Variants in NSMAF observed in about 807,000 individuals in gnomAD.
NSMAF encodes the protein neutral sphingomyelinase activation associated factor.
NSMAF carries 90 observed loss-of-function variants against 134.9 expected under a neutral mutation model. The observed-to-expected ratio is 0.67, with a 90% CI of 0.56 to 0.79. The LOEUF (loss-of-function observed/expected upper bound fraction) is 0.79, where lower values mean the gene tolerates loss of function less well. Among genes scored for constraint, NSMAF ranks in the 30% least tolerant of loss-of-function variants. The pLI, the probability that NSMAF is intolerant of heterozygous loss-of-function variation, is 0.00. For synonymous variants in NSMAF, 358 were observed against 389.6 expected (o/e 0.92, Z 0.96); for missense variants, 1,010 against 1,119.0 (o/e 0.90, Z 1.39).
At chr8:58,633,533 C>A (rs560930241) in intron 5 of NSMAF, among the ~76,000 whole-genome samples, 1 of 152,314 alleles carries the variant, frequency 6.6e-6, no homozygotes, top group South Asian at 2.1e-4. Flanking sequence ...TTAGAGGAGA[C>A]ATTTGTTTAT....
rs1182495174 is a variant in NSMAF, at chr8:58,625,602, G to C, written c.385-1822C>G. On this transcript the variant is annotated intron_variant, in intron 6 of 30. Coordinates refer to ENST00000038176, the MANE Select transcript of NSMAF (RefSeq NM_003580.4). ...ATCTTGTCTGATATAAGTATGGCTA[G>C]CTCTGTTGTTTGATTACCAAGCATG... 4.6e-5 allele frequency among the ~76,000 whole-genome samples: 7 copies of C among 152,242 alleles called. No individual in the cohort carries two copies. The East Asian group carries it at 1.2e-3, about 25-fold the overall frequency.
chr8:58,644,663 C>A (rs1258365046), intron 1 of NSMAF, among the ~76,000 whole-genome samples: 1 of 152,120 alleles, frequency 6.6e-6, no homozygotes, highest in African/African-American at 2.4e-5. Context: ...GAAACAGGCA[C>A]ACATATGTTT....
chr8:58,609,674 A>G lies in NSMAF; in HGVS notation c.617T>C (p.Leu206Pro). 1 of 1,614,188 alleles carries G rather than the reference A, an allele frequency of 6.2e-7. No individual in the cohort carries two copies. Among genetic ancestry groups the G allele is most frequent in the African/African-American group, 1.3e-5 (1 of 75,070 alleles). ...MECKAEMVTP[L>P]VTNPGHVCIT... ...GCACACGTGTCCAGGATTAGTCACC[A>G]GAGGCGTCACCATTTCTGCTTTGCA... is the stretch of plus-strand genomic sequence containing the variant. Residue 206 changes from leucine to proline, a missense_variant, in exon 10 of 31, where the codon CTG becomes CCG. Physicochemically the swap from Leu to Pro is moderately conservative, Grantham distance 98. Transcript: ENST00000038176.
chr8:58,611,026 CTTG>C (rs1480277618), intron 9 of NSMAF, among the ~76,000 whole-genome samples: 1 of 152,162 alleles, frequency 6.6e-6, no homozygotes, highest in Non-Finnish European at 1.5e-5. Context: ...TAAGAGGTGG[CTTG>C]ACCACTTCTG....
chr8:58,647,882 A>G (rs1044927976), intron 1 of NSMAF, among the ~76,000 whole-genome samples: 1 of 152,200 alleles, frequency 6.6e-6, no homozygotes, highest in Non-Finnish European at 1.5e-5. Context: ...ACCAGGGAGT[A>G]GGGCATTTTA....
intron 30 of NSMAF, among the ~76,000 whole-genome samples, 175 bp from the exon 31 acceptor site, chr8:58,584,375 C>T (rs59644857): frequency 0.067 from 10,189 of 152,170 alleles, 868 homozygotes; most frequent in East Asian, 0.26. Context: ...AAAATAATTG[C>T]TTGGTACAAA....
chr8:58,659,065 A>C, intron 1 of NSMAF: 1 of 725,540 alleles, frequency 1.4e-6, no homozygotes, highest in Non-Finnish European at 2.1e-6. Context: ...AAGGCGCGGC[A>C]ATGCGAGTGG....
At chr8:58,633,559 C>T (rs1266788374) in intron 5 of NSMAF, among the ~76,000 whole-genome samples, 1 of 152,210 alleles carries the variant, frequency 6.6e-6, no homozygotes, top group Admixed American at 6.5e-5. Context: ...GTCTCCCCCA[C>T]TGAAAAGTAA....
At chr8:58,589,863 T>C (rs1366255338) in intron 25 of NSMAF, 144 bp downstream of exon 25, 5 of 677,002 alleles carry the variant, frequency 7.4e-6, no homozygotes, top group East Asian at 5.6e-5. Flanking sequence ...AATCCAACCA[T>C]ACTGTCCTCA....
At chr8:58,602,308 ATTTTGAG>A (rs1806303287) in intron 13 of NSMAF, among the ~76,000 whole-genome samples, 171 bp from the exon 14 acceptor site, 2 of 152,312 alleles carry the variant, frequency 1.3e-5, no homozygotes, top group African/African-American at 4.8e-5. Context: ...AAGGTTAGCA[ATTTTGAG>A]TTTTAAGTTA....
At chr8:58,657,768 C>A (rs143744312) in intron 1 of NSMAF, among the ~76,000 whole-genome samples, 7 of 152,184 alleles carry the variant, frequency 4.6e-5, no homozygotes, top group Non-Finnish European at 7.4e-5. Flanking sequence ...AAACACATGG[C>A]GCCAACTTTT....
chr8:58,585,887 A>T lies in NSMAF; in HGVS notation c.2549+11T>A. 6.2e-7 allele frequency: 1 copy of T among 1,611,552 alleles called. No individual in the cohort carries two copies. The highest frequency in any genetic ancestry group is 8.5e-7 in the Non-Finnish European group (1 of 1,177,918). On this transcript the variant is annotated intron_variant, in intron 29 of 30. Coordinates refer to ENST00000038176, the MANE Select transcript of NSMAF (RefSeq NM_003580.4). Reference sequence around the variant, plus strand: ...TAAATGTCTTCGCCCCCAGTAACTCACAAACTATACCTCTGGGGCTCATCT... The same window carrying T: ...TAAATGTCTTCGCCCCCAGTAACTCTCAAACTATACCTCTGGGGCTCATCT...
chr8:58,636,682 C>A (rs996734421), intron 2 of NSMAF, among the ~76,000 whole-genome samples: 1 of 152,178 alleles, frequency 6.6e-6, no homozygotes, highest in African/African-American at 2.4e-5. Context: ...GGGAAAGCAG[C>A]CACACACAGT....
At chr8:58,658,950 G>GAGGC (rs1418675349) in intron 1 of NSMAF, among the ~76,000 whole-genome samples, 2 of 152,240 alleles carry the variant, frequency 1.3e-5, no homozygotes, top group Non-Finnish European at 2.9e-5. Context: ...AAGTGTTTGG[G>GAGGC]AGGCAGGACC....
chr8:58,586,037 C>T, intron 28 of NSMAF, 37 bp from the exon 29 acceptor site: 1 of 1,478,370 alleles, frequency 6.8e-7, no homozygotes, highest in Non-Finnish European at 9.5e-7. Flanking sequence ...TGAGTGACAG[C>T]TTCAGAATGT....
chr8:58,606,155 T>C (rs2129141879), intron 11 of NSMAF, 120 bp from the exon 12 acceptor site: 2 of 853,738 alleles, frequency 2.3e-6, no homozygotes, highest in Non-Finnish European at 3.4e-6. Flanking sequence ...TTATAACTTA[T>C]ATTCCTATTT....
At chr8:58,650,545 T>C (rs1807560858) in intron 1 of NSMAF, among the ~76,000 whole-genome samples, 1 of 152,224 alleles carries the variant, frequency 6.6e-6, no homozygotes, top group Non-Finnish European at 1.5e-5. Context: ...AATTGTATTT[T>C]TGACAGTTTC....
At chr8:58,632,729 G>A (rs1807082278) in intron 5 of NSMAF, among the ~76,000 whole-genome samples, 2 of 152,150 alleles carry the variant, frequency 1.3e-5, no homozygotes, top group Non-Finnish European at 2.9e-5. Context: ...GCTAGCCTCT[G>A]CCTCCTCTCT....
At chr8:58,586,402 TATTTCAAA>T in intron 28 of NSMAF, 48 bp downstream of exon 28, 1 of 1,429,318 alleles carries the variant, frequency 7.0e-7, no homozygotes, top group South Asian at 1.2e-5. Flanking sequence ...CAATATTGTT[TATTTCAAA>T]ATTCCAATTT....
Sources: allele counts gnomAD v4.1 joint callset (sites outside exome capture counted in the v4.1 genomes callset), GRCh38; gene constraint gnomAD v4.1.1; transcripts MANE v1.5; gene names NCBI Gene and HGNC (gene_info 2026-07-23, HGNC 2026-07-21).